The following ARHGAP29 variants were observed in gnomAD, a reference collection of about 807,000 sequenced individuals.
ARHGAP29 encodes the protein Rho GTPase activating protein 29, also known as rho GTPase-activating protein 29.
In ARHGAP29, 43 loss-of-function variants were observed where a neutral mutation model predicts 122.6. The observed-to-expected ratio is 0.35, with a 90% CI of 0.27 to 0.45. ARHGAP29 has a LOEUF of 0.45. ARHGAP29 is among the 20% of genes least tolerant of loss of function. The pLI, the probability that ARHGAP29 is intolerant of heterozygous loss-of-function variation, is 1.00. For synonymous variants in ARHGAP29, 506 were observed against 497.1 expected (o/e 1.02, Z -0.24); for missense variants, 1,303 against 1,477.2 (o/e 0.88, Z 1.93).
At chr1:94,251,300 G>C (rs1254148365) in intron 1 of ARHGAP29, among the ~76,000 whole-genome samples, 1 of 151,734 alleles carries the variant, frequency 6.6e-6, no homozygotes, top group East Asian at 1.9e-4. Flanking sequence ...CCTCCCAGTA[G>C]CTGGGACTAT....
intron 3 of ARHGAP29, 99 bp downstream of exon 3, chr1:94,220,159 T>C (rs1273228218): frequency 7.6e-7 from 1 of 1,308,582 alleles, no homozygotes; most frequent in Non-Finnish European, 1.1e-6. Context: ...ATCACACAAA[T>C]GCAATGAGAG....
intron 3 of ARHGAP29, among the ~76,000 whole-genome samples, chr1:94,215,274 CTTAAT>C (rs1651893471): frequency 6.6e-6 from 1 of 150,970 alleles, no homozygotes; most frequent in Non-Finnish European, 1.5e-5. Flanking sequence ...GTATATTTTC[CTTAAT>C]TTAATCTATA....
upstream of ARHGAP29, among the ~76,000 whole-genome samples, chr1:94,241,675 GAT>G (rs1185118743): frequency 1.0e-4 from 14 of 139,138 alleles, no homozygotes; most frequent in East Asian, 2.0e-4. Flanking sequence ...AATTATATAT[GAT>G]ATATATAATT....
upstream of ARHGAP29, among the ~76,000 whole-genome samples, chr1:94,238,969 TAAG>T (rs1249359710): frequency 6.6e-6 from 1 of 152,094 alleles, no homozygotes; most frequent in Non-Finnish European, 1.5e-5. Flanking sequence ...AAAAGATAAA[TAAG>T]AAAACTCAGC....
At chr1:94,178,232 C>T in intron 20 of ARHGAP29, 65 bp from the exon 21 acceptor site, 1 of 1,480,236 alleles carries the variant, frequency 6.8e-7, no homozygotes, top group Non-Finnish European at 9.1e-7. Context: ...CTGTAGTTTA[C>T]TATGGAATAG....
Position 94,202,537 on chromosome 1 carries a change from TC to T in ARHGAP29, c.1143+6del. The stretch of plus-strand genomic sequence containing the variant: ...AACTTGCAAATAAAAAAGAAAAAGA[TC>T]GTTACTTTTTGGAGAGCCTCCTCTT... On this transcript the variant is annotated splice_donor_region_variant and intron_variant, in intron 11 of 22. Transcript: ENST00000260526. 6.2e-7 allele frequency: 1 copy of T among 1,612,692 alleles called. No individual in the cohort carries two copies. Among genetic ancestry groups the T allele is most frequent in the Non-Finnish European group, 8.5e-7 (1 of 1,179,698 alleles).
At chr1:94,211,168 T>C (rs1163866753) in intron 3 of ARHGAP29, among the ~76,000 whole-genome samples, 2 of 150,480 alleles carry the variant, frequency 1.3e-5, no homozygotes, top group East Asian at 3.9e-4. Flanking sequence ...GTGCCTGTAA[T>C]CCCAGCTACT....
chr1:94,303,738 G>C, the ARHGAP29 span, among the ~76,000 whole-genome samples: 2 of 152,154 alleles, frequency 1.3e-5, no homozygotes, highest in Non-Finnish European at 1.5e-5. Context: ...CATGTTTATA[G>C]TTGAGTAAGT....
chr1:94,302,748 G>T, the ARHGAP29 span: 1 of 358,968 alleles, frequency 2.8e-6, no homozygotes, highest in South Asian at 2.2e-5. Flanking sequence ...GTCAGTCATG[G>T]ACCTGACCTG....
chr1:94,238,763 A>G (rs1169233044), upstream of ARHGAP29, among the ~76,000 whole-genome samples: 3 of 152,284 alleles, frequency 2.0e-5, no homozygotes, highest in African/African-American at 7.2e-5. Context: ...AGAAAAATAA[A>G]AGGAGAGACT....
chr1:94,291,713 C>T, the ARHGAP29 span, among the ~76,000 whole-genome samples: 2 of 152,126 alleles, frequency 1.3e-5, no homozygotes, highest in African/African-American at 4.8e-5. Context: ...ACTTATGAAG[C>T]TTAGTTTGGC....
intron 3 of ARHGAP29, among the ~76,000 whole-genome samples, chr1:94,218,835 G>A (rs1652111272): frequency 6.6e-6 from 1 of 152,030 alleles, no homozygotes; most frequent in Non-Finnish European, 1.5e-5. Context: ...ACTATATTTT[G>A]TAGACAAGGT....
Position 94,173,888 on chromosome 1 carries a change from T to C in ARHGAP29, c.3767A>G (p.Glu1256Gly). The change falls in exon 23 of 23, where the codon GAA (glutamate) becomes GGA (glycine). Residue 1256 changes from glutamate (E) to glycine (G), a missense_variant. Around this residue, in one of 3 missense-constraint regions of ARHGAP29, gnomAD observed 620 missense variants for 651.2 expected, o/e 0.95. Coordinates refer to ENST00000260526, the MANE Select transcript of ARHGAP29 (RefSeq NM_004815.4). ...ACATCCCTACACAAATTGTGGAATT[T>C]CACCTTCGAGGTCTTCAAACTGTTG... ...RMQQFEDLEG[E>G]IPQFV 6.3e-7 allele frequency: 1 copy of C among 1,599,464 alleles called. No individual in the cohort carries two copies. Among genetic ancestry groups the C allele is most frequent in the Non-Finnish European group, 8.6e-7 (1 of 1,169,200 alleles).
chr1:94,304,728 G>A, the ARHGAP29 span, among the ~76,000 whole-genome samples: 2 of 152,190 alleles, frequency 1.3e-5, no homozygotes, highest in African/African-American at 4.8e-5. Flanking sequence ...GGATGCTGAT[G>A]CAGGAAATAT....
At chr1:94,313,403 T>C in the ARHGAP29 span, among the ~76,000 whole-genome samples, 6 of 152,312 alleles carry the variant, frequency 3.9e-5, no homozygotes, top group African/African-American at 1.4e-4. Flanking sequence ...TATTTGATAT[T>C]AACCCTATTA....
At chr1:94,203,301 A>G (rs1373822536) in intron 8 of ARHGAP29, 91 bp from the exon 9 acceptor site, 2 of 864,482 alleles carry the variant, frequency 2.3e-6, no homozygotes, top group African/African-American at 3.5e-5. Context: ...AGGGAAACTA[A>G]GTTTAGACTT....
intron 1 of ARHGAP29, among the ~76,000 whole-genome samples, chr1:94,266,394 A>G (rs1654772872): frequency 6.6e-6 from 1 of 152,056 alleles, no homozygotes; most frequent in Non-Finnish European, 1.5e-5. Context: ...TCACCTCCAA[A>G]TTATGTTGGG....
rs369380308 is a variant in ARHGAP29, at chr1:94,231,575, G to A, written c.37C>T (p.Arg13Cys). The A allele has an allele frequency of 5.6e-5, 91 of 1,613,412 alleles. 2 individuals carry two copies. In the South Asian group the frequency reaches 6.3e-4, roughly 11 times the overall value. Residue 13 changes from arginine to cysteine, a missense_variant, in exon 2 of 23, where the codon CGT (arginine) becomes TGT (cysteine). Coordinates refer to ENST00000260526, the MANE Select transcript of ARHGAP29 (RefSeq NM_004815.4). The stretch of plus-strand genomic sequence containing the variant: ...GAGAGTTGACCTGATGCCCAAGCAC[G>A]TTTTTTCTTTGTCTTTTTCTGTTTG... The part of the protein sequence containing the change: ...AHKQKKTKKK[R>C]AWASGQLSTD...
intron 3 of ARHGAP29, among the ~76,000 whole-genome samples, chr1:94,213,978 C>T (rs1164492476): frequency 1.3e-5 from 2 of 152,204 alleles, no homozygotes; most frequent in South Asian, 2.1e-4. Context: ...TTCAACAACA[C>T]TACCACTTAA....
Sources: gnomAD v4.1 joint callset for allele counts (sites outside exome capture counted in the v4.1 genomes callset) on GRCh38, gnomAD v4.1.1 for gene constraint, gnomAD v4.1.1 regional missense constraint, MANE v1.5 for transcripts, NCBI Gene and HGNC (gene_info 2026-07-23, HGNC 2026-07-21) for gene names.